DHRSX: variants seen among roughly 807,000 people sequenced by gnomAD.
DHRSX encodes dehydrogenase/reductase X-linked, also known as polyprenol dehydrogenase.
In DHRSX, 31 loss-of-function variants were observed where a neutral mutation model predicts 34.0. The ratio of observed to expected loss-of-function variants is 0.91; its 90% CI spans 0.69 to 1.23. The LOEUF (loss-of-function observed/expected upper bound fraction) is 1.23, where lower values mean the gene tolerates loss of function less well. Among genes scored for constraint, DHRSX ranks in the 50% most tolerant of loss-of-function variants. The pLI, the probability that DHRSX is intolerant of heterozygous loss-of-function variation, is 0.00. For synonymous variants in DHRSX, 201 were observed against 183.8 expected (o/e 1.09, Z -0.76); for missense variants, 414 against 428.1 (o/e 0.97, Z 0.29).
intron 1 of DHRSX, among the ~76,000 whole-genome samples, chrX:2,430,885 C>A (rs1286337449): frequency 7.9e-5 from 12 of 152,034 alleles, no homozygotes; most frequent in Admixed American, 6.6e-4. Context: ...ATTAGCCAGG[C>A]ATGGTGGCAC....
intron 3 of DHRSX, chrX:2,334,593 A>C (rs1242109279): frequency 2.6e-5 from 4 of 152,122 alleles, no homozygotes; most frequent in African/African-American, 9.7e-5. Flanking sequence ...AGCTGGGACC[A>C]CATGTACACA....
At chrX:2,403,208 T>C (rs2043509376) in intron 3 of DHRSX, among the ~76,000 whole-genome samples, 1 of 152,124 alleles carries the variant, frequency 6.6e-6, no homozygotes, top group Non-Finnish European at 1.5e-5. Context: ...AAATGGACCA[T>C]GAAGGATTGT....
chrX:2,310,776 C>G (rs1361926413), intron 3 of DHRSX, among the ~76,000 whole-genome samples: 21 of 151,744 alleles, frequency 1.4e-4, no homozygotes, highest in East Asian at 3.9e-4. Context: ...CAGAGAGACA[C>G]AGAGAGACAG....
intron 3 of DHRSX, among the ~76,000 whole-genome samples, chrX:2,349,573 GCT>G (rs2042761844): frequency 6.8e-6 from 1 of 147,330 alleles, no homozygotes; most frequent in South Asian, 2.1e-4. Flanking sequence ...TGTAATCTCA[GCT>G]ACTTGGGAGG....
intron 3 of DHRSX, among the ~76,000 whole-genome samples, chrX:2,305,597 C>T (rs1000408781): frequency 6.6e-6 from 1 of 152,090 alleles, no homozygotes; most frequent in Non-Finnish European, 1.5e-5. Context: ...ACGCAAATGC[C>T]CGTCATTGAT....
At chrX:2,479,724 C>T (rs896937462) in intron 1 of DHRSX, among the ~76,000 whole-genome samples, 16 of 144,774 alleles carry the variant, frequency 1.1e-4, no homozygotes, top group African/African-American at 1.6e-4. Context: ...GCCAAGGGAC[C>T]GCCACAGTGT....
chrX:2,290,617 CTGTT>C (rs2041854431), intron 4 of DHRSX, among the ~76,000 whole-genome samples: 1 of 152,178 alleles, frequency 6.6e-6, no homozygotes, highest in Admixed American at 6.5e-5. Flanking sequence ...TATGGGCTCA[CTGTT>C]TGACGTACGT....
chrX:2,320,342 T>C (rs1235091846), intron 3 of DHRSX, among the ~76,000 whole-genome samples: 1 of 101,452 alleles, frequency 9.9e-6, no homozygotes, highest in Non-Finnish European at 2.1e-5. Flanking sequence ...TCACCCAGGC[T>C]GGACTGCAGT....
chrX:2,234,813 C>T (rs752858224), intron 6 of DHRSX, among the ~76,000 whole-genome samples: 41 of 152,308 alleles, frequency 2.7e-4, no homozygotes, highest in African/African-American at 7.9e-4. Flanking sequence ...CATGTTCAAG[C>T]GATTCTCCTG....
intron 3 of DHRSX, among the ~76,000 whole-genome samples, chrX:2,388,321 T>C (rs1031538381): frequency 5.3e-5 from 8 of 152,186 alleles, no homozygotes; most frequent in Admixed American, 3.9e-4. Context: ...GACTTCAGAA[T>C]GTGATCATAT....
At chrX:2,489,336 T>C (rs1232502152) in intron 1 of DHRSX, 1 of 1,613,784 alleles carries the variant, frequency 6.2e-7, no homozygotes, top group Non-Finnish European at 8.5e-7. Flanking sequence ...ATCTCGGGCG[T>C]CTCCTGGTAG....
intron 3 of DHRSX, among the ~76,000 whole-genome samples, chrX:2,292,600 T>C (rs1037140456): frequency 6.6e-6 from 1 of 151,740 alleles, no homozygotes; most frequent in Non-Finnish European, 1.5e-5. Flanking sequence ...TTTTATATAA[T>C]AATCAAACAG....
intron 1 of DHRSX, among the ~76,000 whole-genome samples, chrX:2,453,016 A>G (rs2044246479): frequency 6.6e-6 from 1 of 152,190 alleles, no homozygotes; most frequent in Non-Finnish European, 1.5e-5. Flanking sequence ...TGTGGCATAG[A>G]CACACACTGG....
At chrX:2,486,246 G>C (rs948454128) in intron 1 of DHRSX, among the ~76,000 whole-genome samples, 1 of 152,060 alleles carries the variant, frequency 6.6e-6, no homozygotes, top group East Asian at 1.9e-4. Flanking sequence ...CATAACTTGA[G>C]GATTTACAGA....
At chrX:2,331,198 A>C (rs984626004) in intron 3 of DHRSX, among the ~76,000 whole-genome samples, 7 of 152,100 alleles carry the variant, frequency 4.6e-5, no homozygotes, top group African/African-American at 1.7e-4. Context: ...TTCCAGTTTT[A>C]TCATGAGATT....
At chrX:2,492,551 CAT>C (rs1032370845) in intron 1 of DHRSX, among the ~76,000 whole-genome samples, 3 of 151,888 alleles carry the variant, frequency 2.0e-5, no homozygotes, top group Non-Finnish European at 4.4e-5. Flanking sequence ...TTGTAGATCT[CAT>C]GAGTTAAGGA....
chrX:2,261,761 A>T (rs1426483807), intron 5 of DHRSX: 1 of 151,460 alleles, frequency 6.6e-6, no homozygotes, highest in African/African-American at 2.4e-5. Flanking sequence ...ACAGAGTGAG[A>T]CTCCATCTGA....
At chrX:2,387,921 A>AAC in intron 3 of DHRSX, among the ~76,000 whole-genome samples, 1 of 151,260 alleles carries the variant, frequency 6.6e-6, no homozygotes, top group Admixed American at 6.6e-5. Flanking sequence ...AAAAAAAAAA[A>AAC]AAACGGGATT....
intron 1 of DHRSX, among the ~76,000 whole-genome samples, chrX:2,453,636 A>T (rs1281310937): frequency 6.6e-6 from 1 of 152,084 alleles, no homozygotes; most frequent in African/African-American, 2.4e-5. Context: ...ATGATGCTGT[A>T]CTCCAGCCTG....
Sources: gnomAD v4.1 joint callset for allele counts (sites outside exome capture counted in the v4.1 genomes callset) on GRCh38, gnomAD v4.1.1 for gene constraint, MANE v1.5 for transcripts, NCBI Gene and HGNC (gene_info 2026-07-23, HGNC 2026-07-21) for gene names.